NCKAP5: variants seen among roughly 807,000 people sequenced by gnomAD.
The protein encoded by NCKAP5 is NCK associated protein 5, also known as nck-associated protein 5.
NCKAP5 carries 92 observed loss-of-function variants against 167.0 expected under a neutral mutation model. The ratio of observed to expected loss-of-function variants is 0.55; its 90% CI spans 0.47 to 0.66. The LOEUF (loss-of-function observed/expected upper bound fraction) is 0.66, where lower values mean the gene tolerates loss of function less well. Among genes scored for constraint, NCKAP5 ranks in the 30% least tolerant of loss-of-function variants. The pLI is 0.00. For missense variants in NCKAP5, 2,378 were observed against 2,315.0 expected, an observed-to-expected ratio of 1.03 and a Z score of -0.56; for synonymous variants, 891 against 877.4, an observed-to-expected ratio of 1.02 and a Z score of -0.27.
intron 3 of NCKAP5, among the ~76,000 whole-genome samples, chr2:133,375,914 G>C (rs926444389): frequency 6.6e-6 from 1 of 152,146 alleles, no homozygotes; most frequent in African/African-American, 2.4e-5. Flanking sequence ...TCAAAAATGG[G>C]AAATGGGTCC....
chr2:133,250,801 A>C (rs556984974), intron 4 of NCKAP5, among the ~76,000 whole-genome samples: 1 of 152,186 alleles, frequency 6.6e-6, no homozygotes, highest in South Asian at 2.1e-4. Flanking sequence ...ATGATGGCAC[A>C]AACCTGTAGT....
intron 6 of NCKAP5, among the ~76,000 whole-genome samples, chr2:133,116,225 C>T (rs1017251867): frequency 4.6e-5 from 4 of 86,210 alleles, no homozygotes; most frequent in Admixed American, 1.2e-4. Context: ...CGGTGGCTCA[C>T]GCCTGTAATC....
At chr2:133,417,332 T>A (rs139515140) in intron 3 of NCKAP5, among the ~76,000 whole-genome samples, 4 of 152,258 alleles carry the variant, frequency 2.6e-5, no homozygotes, top group South Asian at 2.1e-4. Context: ...TTAACCCCGA[T>A]TGCCTCCTTC....
chr2:133,310,244 CGAG>C (rs1266665246), intron 3 of NCKAP5, among the ~76,000 whole-genome samples: 4 of 152,124 alleles, frequency 2.6e-5, no homozygotes, highest in Admixed American at 6.6e-5. Flanking sequence ...TAAATTCTTC[CGAG>C]GAGACTTTTT....
intron 3 of NCKAP5, among the ~76,000 whole-genome samples, chr2:133,382,167 C>G (rs1210206855): frequency 6.6e-6 from 1 of 152,108 alleles, no homozygotes; most frequent in African/African-American, 2.4e-5. Flanking sequence ...CCCGCCTCTT[C>G]CTCAATCTCA....
chr2:133,111,330 A>T (rs1360008784), intron 6 of NCKAP5, among the ~76,000 whole-genome samples: 1 of 152,208 alleles, frequency 6.6e-6, no homozygotes, highest in Admixed American at 6.5e-5. Flanking sequence ...ACCAAACCCC[A>T]GGCCACCTTG....
At chr2:132,813,838 A>G (rs1315718662) in intron 11 of NCKAP5, among the ~76,000 whole-genome samples, 3 of 152,246 alleles carry the variant, frequency 2.0e-5, no homozygotes, top group Non-Finnish European at 4.4e-5. Context: ...TATTAAAGGA[A>G]AGATTAGAAC....
At chr2:132,685,226 C>G (rs1210176003) in intron 19 of NCKAP5, among the ~76,000 whole-genome samples, 1 of 152,122 alleles carries the variant, frequency 6.6e-6, no homozygotes, top group Non-Finnish European at 1.5e-5. Context: ...TCAAAGGAAG[C>G]CTATCAAACG....
chr2:133,457,909 CTT>C lies in NCKAP5; in HGVS notation c.69+59547_69+59548del, dbSNP rs201290943. Among the ~76,000 whole-genome samples, 151 of 152,290 alleles carry C rather than the reference CTT, an allele frequency of 9.9e-4. 3 individuals are homozygous for C. The East Asian group carries it at 0.027, about 27-fold the overall frequency. Reference sequence around the variant, plus strand: ...CAAAAGTTAAACACGATTTTCTCCTCTTGTCTCTGTTTAAATTAGTGTGTAAG... The same window carrying C: ...CAAAAGTTAAACACGATTTTCTCCTCGTCTCTGTTTAAATTAGTGTGTAAG... On this transcript the variant is annotated intron_variant, in intron 3 of 19. Coordinates refer to ENST00000409261, the MANE Select transcript of NCKAP5 (RefSeq NM_207363.3).
chr2:133,055,181 G>C (rs1481567834), intron 6 of NCKAP5, among the ~76,000 whole-genome samples: 1 of 152,042 alleles, frequency 6.6e-6, no homozygotes, highest in Non-Finnish European at 1.5e-5. Context: ...CTAGTATACT[G>C]ATCCAAGAGT....
At chr2:133,443,361 T>G (rs1316316640) in intron 3 of NCKAP5, among the ~76,000 whole-genome samples, 1 of 152,162 alleles carries the variant, frequency 6.6e-6, no homozygotes, top group Non-Finnish European at 1.5e-5. Flanking sequence ...ACAAAACAAC[T>G]GTGCTCCTCC....
At chr2:133,386,235 C>A (rs1686956213) in intron 3 of NCKAP5, among the ~76,000 whole-genome samples, 1 of 152,150 alleles carries the variant, frequency 6.6e-6, no homozygotes. Context: ...CCCAGAGATT[C>A]TGGTATGTTG....
intron 3 of NCKAP5, among the ~76,000 whole-genome samples, chr2:133,437,307 C>T (rs934987012): frequency 1.3e-5 from 2 of 151,234 alleles, no homozygotes; most frequent in African/African-American, 2.4e-5. Context: ...GAGCCGAGAT[C>T]GTGCCATTGC....
intron 6 of NCKAP5, among the ~76,000 whole-genome samples, chr2:132,995,984 AT>A (rs1214410002): frequency 3.9e-5 from 6 of 152,050 alleles, no homozygotes; most frequent in Middle Eastern, 6.8e-3. Context: ...CAAAAAAAAA[AT>A]TTTTTTTACA....
intron 1 of NCKAP5, among the ~76,000 whole-genome samples, chr2:133,560,417 A>G (rs1183471060): frequency 6.6e-6 from 1 of 152,198 alleles, no homozygotes; most frequent in African/African-American, 2.4e-5. Context: ...AGTTGATGAT[A>G]TATTTAATTA....
At chr2:133,258,202 A>G (rs1220175204) in intron 4 of NCKAP5, among the ~76,000 whole-genome samples, 1 of 152,188 alleles carries the variant, frequency 6.6e-6, no homozygotes, top group Non-Finnish European at 1.5e-5. Context: ...TGGGTTTGGA[A>G]TACCCTTGGA....
intron 19 of NCKAP5, among the ~76,000 whole-genome samples, chr2:132,706,698 T>G (rs1022578320): frequency 2.0e-5 from 3 of 152,068 alleles, no homozygotes; most frequent in Admixed American, 6.6e-5. Flanking sequence ...CCAGGCTCCT[T>G]TCTATGTAAT....
intron 19 of NCKAP5, among the ~76,000 whole-genome samples, chr2:132,689,618 G>T (rs1686459013): frequency 6.6e-6 from 1 of 152,078 alleles, no homozygotes; most frequent in African/African-American, 2.4e-5. Context: ...CTCCTCTCAT[G>T]CCCACAGCAG....
intron 8 of NCKAP5, among the ~76,000 whole-genome samples, chr2:132,959,912 T>C (rs1022345984): frequency 2.0e-5 from 3 of 152,194 alleles, no homozygotes; most frequent in Non-Finnish European, 2.9e-5. Flanking sequence ...AGAAGTTACA[T>C]AAAATGTGCA....
Sources: gnomAD v4.1 joint callset for allele counts (sites outside exome capture counted in the v4.1 genomes callset) on GRCh38, gnomAD v4.1.1 for gene constraint, MANE v1.5 for transcripts, NCBI Gene and HGNC (gene_info 2026-07-23, HGNC 2026-07-21) for gene names.